The following LRRC20 variants were observed in gnomAD, a reference collection of about 807,000 sequenced individuals.
LRRC20 encodes the protein leucine-rich repeat-containing protein 20.
In LRRC20, 11 loss-of-function variants were observed where a neutral mutation model predicts 14.4. That is an observed-to-expected ratio of 0.77 (90% CI 0.48 to 1.27). LRRC20 has a LOEUF of 1.27. Among genes scored for constraint, LRRC20 ranks in the 50% most tolerant of loss-of-function variants. The pLI is 0.00. For synonymous variants in LRRC20, 121 were observed against 107.3 expected (o/e 1.13, Z -0.79); for missense variants, 219 against 251.2 (o/e 0.87, Z 0.87).
chr10:70,310,166 G>A (rs541297168), intron 4 of LRRC20, among the ~76,000 whole-genome samples: 130 of 152,350 alleles, frequency 8.5e-4, no homozygotes, highest in African/African-American at 1.9e-3. Flanking sequence ...AGTCAAACTC[G>A]CAAGTGACAA....
At chr10:70,329,785 G>A (rs750229139) in intron 3 of LRRC20, among the ~76,000 whole-genome samples, 1 of 151,924 alleles carries the variant, frequency 6.6e-6, no homozygotes, top group South Asian at 2.1e-4. Context: ...GGCTGGTCTC[G>A]AACTCCCGAG....
At chr10:70,352,150 A>G (rs894217976) in intron 2 of LRRC20, among the ~76,000 whole-genome samples, 3 of 152,002 alleles carry the variant, frequency 2.0e-5, no homozygotes, top group Non-Finnish European at 4.4e-5. Flanking sequence ...TCAAGGTAGG[A>G]GCTGTGTCTA....
chr10:70,308,944 A>T (rs1841535180), intron 4 of LRRC20, among the ~76,000 whole-genome samples: 1 of 152,190 alleles, frequency 6.6e-6, no homozygotes, highest in South Asian at 2.1e-4. Context: ...GTGGGGGCTA[A>T]AGAAAGGTGC....
chr10:70,357,855 C>G (rs1296128874), intron 2 of LRRC20, among the ~76,000 whole-genome samples: 1 of 152,192 alleles, frequency 6.6e-6, no homozygotes, highest in African/African-American at 2.4e-5. Flanking sequence ...CAGGATGACA[C>G]TAACAGTATG....
At chr10:70,345,263 T>C (rs144692300) in intron 2 of LRRC20, among the ~76,000 whole-genome samples, 1,716 of 152,248 alleles carry the variant, frequency 0.011, 22 homozygotes, top group Non-Finnish European at 0.019. Context: ...AATCAACTGA[T>C]GTCAGAATAA....
At chr10:70,357,061 T>A (rs142105838) in intron 2 of LRRC20, among the ~76,000 whole-genome samples, 1 of 152,220 alleles carries the variant, frequency 6.6e-6, no homozygotes, top group Non-Finnish European at 1.5e-5. Flanking sequence ...GCAACATGAA[T>A]GAACCTTGAA....
intron 4 of LRRC20, among the ~76,000 whole-genome samples, chr10:70,310,553 A>C (rs953374177): frequency 6.6e-6 from 1 of 152,198 alleles, no homozygotes; most frequent in African/African-American, 2.4e-5. Context: ...CGTATCATGC[A>C]CCATGCCCTG....
At chr10:70,334,410 T>C (rs1265725263) in intron 3 of LRRC20, among the ~76,000 whole-genome samples, 1 of 152,136 alleles carries the variant, frequency 6.6e-6, no homozygotes, top group African/African-American at 2.4e-5. Context: ...CAACAGCCTT[T>C]CTGAGGACGG....
In LRRC20 at chr10:70,302,373, G is replaced by A. The variant is rs368059362; in HGVS notation, c.401-865C>T. On this transcript the variant is annotated intron_variant, in intron 4 of 4. Transcript: ENST00000446961. ...AGGCAGGCACAAAAAGACAAATACC[G>A]TATGACTCCACTTATGTGAGGTACA... 1.9e-4 allele frequency among the ~76,000 whole-genome samples: 29 copies of A among 152,190 alleles called. No homozygotes were observed. In the East Asian group the frequency reaches 2.5e-3, roughly 13 times the overall value.
chr10:70,314,221 T>TCAACCAGTAACCATAC lies in LRRC20; in HGVS notation c.400+9626_400+9641dup, dbSNP rs57346229. On this transcript the variant is annotated intron_variant, in intron 4 of 4. Transcript: ENST00000446961. ...TGGGTGGGGACACAGCCAAACCATA[T>TCAACCAGTAACCATAC]CAACCAGTAACCATACCAAGAAACT... Among the ~76,000 whole-genome samples, 272 of 152,156 alleles carry TCAACCAGTAACCATAC rather than the reference T, an allele frequency of 1.8e-3. 1 individual carries two copies. The highest frequency in any genetic ancestry group is 6.1e-3 in the African/African-American group (255 of 41,488).
intron 3 of LRRC20, among the ~76,000 whole-genome samples, chr10:70,338,242 C>G (rs1589085184): frequency 6.6e-6 from 1 of 152,184 alleles, no homozygotes; most frequent in East Asian, 1.9e-4. Flanking sequence ...CAAGTCCTGC[C>G]TGTAGCTCCC....
In LRRC20 at chr10:70,376,447, C is replaced by T; in HGVS notation, c.82+5G>A. On this transcript the variant is annotated splice_donor_5th_base_variant and intron_variant, in intron 2 of 4. Transcript: ENST00000446961. ...GAAGTTGGGAAAAGCCCTGCCCTCA[C>T]TCACCCAGAGTGTCAGAGCCGCTCT... The T allele has an allele frequency of 6.2e-7, 1 of 1,614,086 alleles. No individual in the cohort carries two copies. Among genetic ancestry groups the T allele is most frequent in the South Asian group, 1.1e-5 (1 of 91,088 alleles).
intron 2 of LRRC20, among the ~76,000 whole-genome samples, chr10:70,347,185 G>A (rs553695878): frequency 2.6e-5 from 4 of 152,192 alleles, no homozygotes; most frequent in South Asian, 4.2e-4. Flanking sequence ...AAATAACCTG[G>A]CAAATTCGCA....
At chr10:70,303,107 G>A (rs1463438545) in intron 4 of LRRC20, among the ~76,000 whole-genome samples, 11 of 152,024 alleles carry the variant, frequency 7.2e-5, no homozygotes, top group Non-Finnish European at 1.5e-5. Flanking sequence ...CAAAACCACC[G>A]AATTGCATAT....
chr10:70,323,808 G>A (rs1842193144), intron 4 of LRRC20, 55 bp downstream of exon 4: 4 of 1,591,902 alleles, frequency 2.5e-6, no homozygotes, highest in Non-Finnish European at 3.4e-6. Flanking sequence ...AGAGTCCTGT[G>A]GCCCATGAGC....
intron 4 of LRRC20, among the ~76,000 whole-genome samples, chr10:70,318,484 T>C (rs1841954701): frequency 2.0e-5 from 3 of 152,190 alleles, no homozygotes. Flanking sequence ...CCAGGTACAG[T>C]GGCTCACGCC....
intron 4 of LRRC20, among the ~76,000 whole-genome samples, chr10:70,308,259 AG>A (rs1157969033): frequency 6.6e-6 from 1 of 152,118 alleles, no homozygotes; most frequent in Non-Finnish European, 1.5e-5. Flanking sequence ...AGGAGGTAGG[AG>A]GGTCCTGAAA....
intron 2 of LRRC20, among the ~76,000 whole-genome samples, chr10:70,369,929 A>G (rs936099229): frequency 2.6e-5 from 4 of 152,000 alleles, no homozygotes; most frequent in Non-Finnish European, 5.9e-5. Context: ...AATATACAAA[A>G]GTTAGCTGGG....
intron 3 of LRRC20, among the ~76,000 whole-genome samples, chr10:70,331,050 C>T (rs778646045): frequency 6.6e-5 from 10 of 152,190 alleles, no homozygotes; most frequent in African/African-American, 9.6e-5. Flanking sequence ...GGTCCCCATC[C>T]GTGAAGACGT....
Sources: allele counts gnomAD v4.1 joint callset (sites outside exome capture counted in the v4.1 genomes callset), GRCh38; gene constraint gnomAD v4.1.1; transcripts MANE v1.5; gene names NCBI Gene and HGNC (gene_info 2026-07-23, HGNC 2026-07-21).